Variants in MACROD2 observed in about 807,000 individuals in gnomAD.
The protein encoded by MACROD2 is mono-ADP ribosylhydrolase 2.
A neutral mutation model predicts 70.4 loss-of-function variants in MACROD2; 36 were observed. That is an observed-to-expected ratio of 0.51 (90% CI 0.39 to 0.68). The LOEUF is 0.68. Among genes scored for constraint, MACROD2 ranks in the 30% least tolerant of loss-of-function variants. MACROD2 has a pLI of 0.00. For missense variants in MACROD2, 496 were observed against 538.4 expected (o/e 0.92, Z 0.78); for synonymous variants, 172 against 178.8 (o/e 0.96, Z 0.30).
chr20:14,000,789 A>G (rs1487369496), intron 1 of MACROD2, among the ~76,000 whole-genome samples: 1 of 152,228 alleles, frequency 6.6e-6, no homozygotes, highest in Non-Finnish European at 1.5e-5. Flanking sequence ...TGGGAAATGC[A>G]TAATCAACTT....
intron 8 of MACROD2, among the ~76,000 whole-genome samples, chr20:15,851,695 G>A (rs527708355): frequency 4.6e-5 from 7 of 152,218 alleles, no homozygotes; most frequent in Non-Finnish European, 8.8e-5. Context: ...TGGCCCTTCC[G>A]AGCTGCATCA....
At chr20:15,234,010 T>TATTC (rs1299319044) in intron 6 of MACROD2, among the ~76,000 whole-genome samples, 1 of 42,502 alleles carries the variant, frequency 2.4e-5, no homozygotes, top group Non-Finnish European at 4.4e-5. Flanking sequence ...TATATATATA[T>TATTC]TCTTTTTTTT....
chr20:14,069,061 G>T (rs1306940109), intron 2 of MACROD2, among the ~76,000 whole-genome samples: 1 of 152,040 alleles, frequency 6.6e-6, no homozygotes, highest in East Asian at 1.9e-4. Context: ...CGATTCTCCC[G>T]CCTCAGCCTC....
rs534837690 is a variant in MACROD2 at position 14,846,710 on chromosome 20, G to C, written c.418+161751G>C. On this transcript the variant is annotated intron_variant, in intron 5 of 17. Transcript: ENST00000684519. ...TTTTTTATATTTTTAGTAGAGACAG[G>C]GTTTTGCCGTGTTAGCCAGGATGGT... 5.9e-4 allele frequency among the ~76,000 whole-genome samples: 89 copies of C among 152,054 alleles called. 2 individuals are homozygous for C. Among genetic ancestry groups the C allele is most frequent in the Admixed American group, 1.3e-3 (20 of 15,260 alleles).
At chr20:14,018,776 G>A (rs1010318558) in intron 2 of MACROD2, among the ~76,000 whole-genome samples, 10 of 152,242 alleles carry the variant, frequency 6.6e-5, no homozygotes, top group East Asian at 1.9e-4. Context: ...CTGGGTCACC[G>A]GAATTGTCAT....
At chr20:14,096,519 A>G (rs2148675770) in intron 3 of MACROD2, among the ~76,000 whole-genome samples, 3 of 152,134 alleles carry the variant, frequency 2.0e-5, no homozygotes, top group Admixed American at 2.0e-4. Flanking sequence ...GGCAGGCAGC[A>G]CCACACCTGG....
At chr20:15,868,028 C>T (rs1237662394) in intron 9 of MACROD2, among the ~76,000 whole-genome samples, 4 of 152,154 alleles carry the variant, frequency 2.6e-5, no homozygotes, top group African/African-American at 7.2e-5. Flanking sequence ...GTGCACAGTA[C>T]AGCACCCTCC....
intron 5 of MACROD2, among the ~76,000 whole-genome samples, chr20:15,130,696 G>A (rs2076098780): frequency 6.6e-6 from 1 of 152,096 alleles, no homozygotes; most frequent in Non-Finnish European, 1.5e-5. Context: ...AGAGGAGAAT[G>A]GGACAAAGGA....
chr20:14,082,865 AAG>A (rs1003255086), intron 2 of MACROD2, among the ~76,000 whole-genome samples: 1 of 152,286 alleles, frequency 6.6e-6, no homozygotes, highest in African/African-American at 2.4e-5. Context: ...ATGGAGAATC[AAG>A]AGTTTATAAT....
chr20:15,233,983 TTATATATATATATA>T (rs1312226727), intron 6 of MACROD2, among the ~76,000 whole-genome samples: 1 of 44,020 alleles, frequency 2.3e-5, no homozygotes, highest in African/African-American at 9.0e-5. Context: ...ATATATTTAT[TTATATATATATATA>T]TATATATATA....
chr20:15,106,230 T>A (rs2075909716), intron 5 of MACROD2, among the ~76,000 whole-genome samples: 1 of 152,196 alleles, frequency 6.6e-6, no homozygotes, highest in Non-Finnish European at 1.5e-5. Context: ...ACTCACTTAC[T>A]GGGTCAAGCT....
rs992627488 is a variant in MACROD2, at chr20:14,684,260, G to A, written c.302-583G>A. The stretch of plus-strand genomic sequence containing the variant: ...AGACACCCTGCAGAAACACAATCAT[G>A]TGTGTGTCATTCTGTTGTGGGGAGA... On this transcript the variant is annotated intron_variant, in intron 4 of 17. Coordinates refer to ENST00000684519, the MANE Select transcript of MACROD2 (RefSeq NM_001351661.2). 2.0e-5 allele frequency among the ~76,000 whole-genome samples: 3 copies of A among 152,132 alleles called. No homozygotes were observed. In the East Asian group the frequency reaches 5.8e-4, roughly 29 times the overall value.
chr20:15,354,831 C>G (rs541225113), intron 6 of MACROD2, among the ~76,000 whole-genome samples: 2 of 152,084 alleles, frequency 1.3e-5, no homozygotes, highest in South Asian at 4.1e-4. Context: ...ATTCATGACA[C>G]AAAATGAAAA....
At chr20:15,667,845 A>G (rs1291669717) in intron 8 of MACROD2, among the ~76,000 whole-genome samples, 1 of 152,074 alleles carries the variant, frequency 6.6e-6, no homozygotes, top group Non-Finnish European at 1.5e-5. Flanking sequence ...AATTTTTCTG[A>G]TTATTTTCTT....
intron 5 of MACROD2, among the ~76,000 whole-genome samples, chr20:15,176,012 C>G (rs2076458483): frequency 6.6e-6 from 1 of 152,230 alleles, no homozygotes; most frequent in South Asian, 2.1e-4. Flanking sequence ...CCTGGCCTCT[C>G]CCTGCTCCCA....
At chr20:14,775,777 C>G in intron 5 of MACROD2, among the ~76,000 whole-genome samples, 1 of 151,970 alleles carries the variant, frequency 6.6e-6, no homozygotes, top group East Asian at 1.9e-4. Context: ...CTAGAAAAAA[C>G]CCTCTAGCAA....
chr20:14,584,297 T>A (rs1981229814), intron 4 of MACROD2, among the ~76,000 whole-genome samples: 1 of 152,162 alleles, frequency 6.6e-6, no homozygotes, highest in Non-Finnish European at 1.5e-5. Flanking sequence ...AATATTAAAA[T>A]ACACCAATTT....
chr20:15,116,971 G>A (rs1239072153), intron 5 of MACROD2, among the ~76,000 whole-genome samples: 1 of 152,178 alleles, frequency 6.6e-6, no homozygotes, highest in African/African-American at 2.4e-5. Context: ...CACTGTTCAT[G>A]ACAGCATGTC....
rs536134248 is a variant in MACROD2 at position 15,997,943 on chromosome 20, T to A, written c.1153+10785T>A. Reference sequence around the variant, plus strand: ...TTTTGTCAGATGCTTTTTCTGCATATATTCAGATGATCATAAGATTTTCAT... The same window carrying A: ...TTTTGTCAGATGCTTTTTCTGCATAAATTCAGATGATCATAAGATTTTCAT... On this transcript the variant is annotated intron_variant, in intron 15 of 17. Transcript: ENST00000684519. Among the ~76,000 whole-genome samples, 22 of 152,328 alleles carry A rather than the reference T, an allele frequency of 1.4e-4. 1 individual carries two copies. In the Middle Eastern group the frequency reaches 0.01, roughly 71 times the overall value.
Sources: gnomAD v4.1 joint callset for allele counts (sites outside exome capture counted in the v4.1 genomes callset) on GRCh38, gnomAD v4.1.1 for gene constraint, MANE v1.5 for transcripts, NCBI Gene and HGNC (gene_info 2026-07-23, HGNC 2026-07-21) for gene names.